The following RIF1 variants were observed in gnomAD, a reference collection of about 807,000 sequenced individuals.
The protein encoded by RIF1 is replication timing regulatory factor 1.
In RIF1, 45 loss-of-function variants were observed where a neutral mutation model predicts 247.1. That is an observed-to-expected ratio of 0.18 (90% CI 0.14 to 0.23). The LOEUF (loss-of-function observed/expected upper bound fraction) is 0.23, where lower values mean the gene tolerates loss of function less well. Ranked by LOEUF, RIF1 falls within the 10% of genes least tolerant of loss-of-function variation. The pLI is 1.00. For missense variants in RIF1, 2,967 were observed against 2,862.5 expected (o/e 1.04, Z -0.83); for synonymous variants, 1,087 against 978.8 (o/e 1.11, Z -2.06).
intron 8 of RIF1, among the ~76,000 whole-genome samples, chr2:151,424,998 C>T (rs1171280182): frequency 1.3e-5 from 2 of 151,968 alleles, no homozygotes; most frequent in Non-Finnish European, 1.5e-5. Context: ...TCTTCTGTAG[C>T]AGCTGCCCCA....
At chr2:151,442,767 AT>A (rs59128582) in intron 16 of RIF1, among the ~76,000 whole-genome samples, 176 of 104,050 alleles carry the variant, frequency 1.7e-3, no homozygotes, top group South Asian at 3.5e-3. Flanking sequence ...AAAGAGCTTG[AT>A]TTTTTTTTTT....
Position 151,442,886 on chromosome 2 carries a change from C to T in RIF1, c.1735-373C>T, listed in dbSNP as rs191000755. On this transcript the variant is annotated intron_variant, in intron 16 of 35. Coordinates refer to ENST00000444746, the MANE Select transcript of RIF1 (RefSeq NM_018151.5). ...TCCCGGTCTCATGCCATTCTCCTGC[C>T]TCAGTCTCCCGAGTAGCTGGGACTA... 4.0e-4 allele frequency among the ~76,000 whole-genome samples: 61 copies of T among 151,202 alleles called. 1 individual carries two copies. The highest frequency in any genetic ancestry group is 1.4e-3 in the African/African-American group (59 of 41,172).
intron 17 of RIF1, 70 bp from the exon 18 acceptor site, chr2:151,443,459 A>G: frequency 7.0e-7 from 1 of 1,433,234 alleles, no homozygotes; most frequent in Non-Finnish European, 9.4e-7. Context: ...GTTATTTTAG[A>G]ATTTTGTTAA....
intron 8 of RIF1, 89 bp downstream of exon 8, chr2:151,423,131 A>T (rs116669257): frequency 0.02 from 14,640 of 730,818 alleles, 222 homozygotes; most frequent in Non-Finnish European, 0.024. Context: ...GATGCTCATT[A>T]TTTCCTTTGT....
In RIF1 at chr2:151,410,218, G is replaced by A. The variant is rs891448982; in HGVS notation, c.-11+185G>A. 1.0e-4 allele frequency: 66 copies of A among 631,508 alleles called. 1 individual carries two copies. Among genetic ancestry groups the A allele is most frequent in the East Asian group, 1.0e-3 (37 of 36,718 alleles). The allele number at this position is 631,508 out of a possible 1,614,324, so 39.1% of individuals were successfully genotyped here. A position where few individuals can be genotyped will look rare whatever the true frequency, so the allele number is the denominator to read the frequency against. ...GCGGGCCCAGGCCCGAATGTGGCGT[G>A]GGCTCAGGTGTCTGGTGTCGGGCGC... On this transcript the variant is annotated intron_variant, in intron 1 of 35. Coordinates refer to ENST00000444746, the MANE Select transcript of RIF1 (RefSeq NM_018151.5).
chr2:151,531,848 T>C, the RIF1 span: 28 of 1,612,820 alleles, frequency 1.7e-5, 2 homozygotes, highest in East Asian at 2.0e-4. Flanking sequence ...GTATCCACAA[T>C]TGAGGTAAAT....
the RIF1 span, chr2:151,527,603 G>A: frequency 3.2e-6 from 5 of 1,581,970 alleles, no homozygotes; most frequent in South Asian, 1.1e-5. Flanking sequence ...TAACAGGAGA[G>A]AAAGGAATCA....
At chr2:151,473,298 T>C (rs2048707399) in intron 34 of RIF1, among the ~76,000 whole-genome samples, 1 of 150,430 alleles carries the variant, frequency 6.6e-6, no homozygotes. Flanking sequence ...TATCCTTTTT[T>C]TTTTTTTTTT....
At position 151,477,437 on chromosome 2, in the gene RIF1, C is replaced by T. The variant is rs1049248887; in HGVS notation, c.*2366C>T. Reference sequence around the variant, plus strand: ...GTAGTATCTTTTTTTTTTTTTGAGACACAGTCTTGCTCTGTTGCCTATGCT... The same window carrying T: ...GTAGTATCTTTTTTTTTTTTTGAGATACAGTCTTGCTCTGTTGCCTATGCT... On this transcript the variant is annotated 3_prime_UTR_variant, in exon 36 of 36. Coordinates refer to ENST00000444746, the MANE Select transcript of RIF1 (RefSeq NM_018151.5). 1 of 150,586 alleles carries T rather than the reference C, an allele frequency of 6.6e-6. No individual in the cohort carries two copies. Among genetic ancestry groups the T allele is most frequent in the East Asian group, 1.9e-4 (1 of 5,162 alleles). The allele number at this position is 150,586 out of a possible 1,614,324, so 9.3% of individuals were successfully genotyped here.
In RIF1 at chr2:151,492,721, A is replaced by G. The variant is rs369807844; in HGVS notation, c.*416-2508A>G. 10 of 358,610 alleles carry G rather than the reference A, an allele frequency of 2.8e-5. No homozygotes were observed. The South Asian group carries it at 8.8e-4, about 31-fold the overall frequency. 22.2% of individuals were successfully genotyped at this position (358,610 alleles called of 1,614,324 possible). A position where few individuals can be genotyped will look rare whatever the true frequency, so the allele number is the denominator to read the frequency against. On this transcript the variant is annotated intron_variant and NMD_transcript_variant, in intron 9 of 13. Transcript: ENST00000454583. ...GACTTCGAAAATGAAACTCATTTTC[A>G]AAGAAGGGGCACGGTATAATTTTGA...
intron 9 of RIF1, chr2:151,489,899 A>G: frequency 8.4e-7 from 1 of 1,196,808 alleles, no homozygotes; most frequent in Non-Finnish European, 1.2e-6. Context: ...CGTAATACCT[A>G]ATACTTATAA....
At chr2:151,419,821 T>C (rs1338062221) in intron 6 of RIF1, among the ~76,000 whole-genome samples, 3 of 152,210 alleles carry the variant, frequency 2.0e-5, no homozygotes, top group Admixed American at 6.5e-5. Context: ...CATAATCTTA[T>C]GGGACCACCA....
the RIF1 span, chr2:151,513,720 A>G: frequency 3.4e-6 from 5 of 1,480,162 alleles, no homozygotes; most frequent in Non-Finnish European, 4.6e-6. Context: ...AGAAAAAAAA[A>G]AGGTACCTAA....
intron 1 of RIF1, 103 bp downstream of exon 1, chr2:151,410,136 C>T (rs934008270): frequency 4.9e-5 from 33 of 676,124 alleles, no homozygotes; most frequent in Non-Finnish European, 8.7e-5. Context: ...GGGCTTCTCC[C>T]GCCCTCCGCC....
chr2:151,487,690 C>G (rs1256964692), intron 9 of RIF1, among the ~76,000 whole-genome samples: 1 of 152,072 alleles, frequency 6.6e-6, no homozygotes, highest in Non-Finnish European at 1.5e-5. Flanking sequence ...CAAATAATTT[C>G]TGAAGAAAAA....
intron 24 of RIF1, among the ~76,000 whole-genome samples, chr2:151,458,226 A>AT (rs71403171): frequency 0.49 from 48,575 of 98,870 alleles, 15,223 homozygotes; most frequent in Non-Finnish European, 0.66. Context: ...GAAATAGATG[A>AT]TTTTTTTTTT....
In RIF1 at chr2:151,462,334, A is replaced by G. The variant is rs150351738; in HGVS notation, c.3308+12A>G. The G allele has an allele frequency of 3.6e-3, 5,504 of 1,537,602 alleles. 77 individuals are homozygous for G. The Admixed American group carries it at 0.038, about 11-fold the overall frequency. ...CAGGAAGAGCCTATGTAAGTACAGA[A>G]GCCATCAAACTTTTATATCTGTTTT... On this transcript the variant is annotated intron_variant, in intron 28 of 35. Transcript: ENST00000444746.
rs780428546 is a variant in RIF1, at chr2:151,507,033, A to G, written c.*1027+658A>G. 1.2e-5 allele frequency: 17 copies of G among 1,412,500 alleles called. 1 individual carries two copies. Among genetic ancestry groups the G allele is most frequent in the South Asian group, 8.1e-5 (7 of 86,460 alleles). The allele number at this position is 1,412,500 out of a possible 1,614,324, so 87.5% of individuals were successfully genotyped here. On this transcript the variant is annotated intron_variant and NMD_transcript_variant, in intron 13 of 13. Coordinates refer to the RIF1 transcript ENST00000454583. Reference sequence around the variant, plus strand: ...TTGGAGCTATGAAGAAAGAGTAAACATCTTGTTAAGATTTCAACATTGCTT... The same window carrying G: ...TTGGAGCTATGAAGAAAGAGTAAACGTCTTGTTAAGATTTCAACATTGCTT...
At chr2:151,422,138 C>A (rs1003078962) in intron 7 of RIF1, among the ~76,000 whole-genome samples, 1 of 152,060 alleles carries the variant, frequency 6.6e-6, no homozygotes, top group African/African-American at 2.4e-5. Flanking sequence ...CCATAAAATT[C>A]TTTCTTTAAC....
Sources: allele counts gnomAD v4.1 joint callset (sites outside exome capture counted in the v4.1 genomes callset), GRCh38; gene constraint gnomAD v4.1.1; transcripts MANE v1.5; gene names NCBI Gene and HGNC (gene_info 2026-07-23, HGNC 2026-07-21).